TOP6BL: variants seen among roughly 807,000 people sequenced by gnomAD.
TOP6BL encodes TOP6B like initiator of meiotic double strand breaks.
chr11:66,813,123 TA>T, the TOP6BL span, among the ~76,000 whole-genome samples: 14 of 152,218 alleles, frequency 9.2e-5, no homozygotes, highest in Non-Finnish European at 1.9e-4. Flanking sequence ...TATTCTCTTG[TA>T]TATACTTCTA....
chr11:66,827,563 A>G, the TOP6BL span, among the ~76,000 whole-genome samples: 1 of 151,922 alleles, frequency 6.6e-6, no homozygotes, highest in Non-Finnish European at 1.5e-5. Context: ...TATCAGCCTC[A>G]GTTATGCAGT....
At chr11:66,779,883 C>T in the TOP6BL span, among the ~76,000 whole-genome samples, 1 of 151,684 alleles carries the variant, frequency 6.6e-6, no homozygotes, top group Non-Finnish European at 1.5e-5. Context: ...AGCTGGAAAC[C>T]ATCATTCTCA....
the TOP6BL span, chr11:66,816,349 C>A: frequency 1.0e-6 from 1 of 958,556 alleles, no homozygotes; most frequent in Non-Finnish European, 1.5e-6. Context: ...TGAACATATC[C>A]TATAGAAAAG....
chr11:66,788,132 G>C, the TOP6BL span: 1 of 1,514,926 alleles, frequency 6.6e-7, no homozygotes, highest in Admixed American at 1.7e-5. Context: ...CTGCTTGTTT[G>C]ACTTTGTTGC....
the TOP6BL span, among the ~76,000 whole-genome samples, chr11:66,765,237 A>C: frequency 6.6e-6 from 1 of 152,220 alleles, no homozygotes; most frequent in African/African-American, 2.4e-5. Context: ...TACTCATGCC[A>C]ATACAAACTC....
the TOP6BL span, chr11:66,838,320 C>T: frequency 7.7e-6 from 12 of 1,548,566 alleles, no homozygotes; most frequent in South Asian, 7.8e-5. Flanking sequence ...CACTAGGGCT[C>T]GTTCATGTTT....
At chr11:66,839,197 A>G in the TOP6BL span, 1 of 456,154 alleles carries the variant, frequency 2.2e-6, no homozygotes, top group Non-Finnish European at 4.4e-6. Context: ...AGTCACTAGC[A>G]GAGATGCCAG....
chr11:66,780,016 G>C, the TOP6BL span, among the ~76,000 whole-genome samples: 2 of 130,344 alleles, frequency 1.5e-5, no homozygotes, highest in Non-Finnish European at 3.2e-5. Flanking sequence ...GTTGTGGGGT[G>C]GGGGGAGGGG....
the TOP6BL span, among the ~76,000 whole-genome samples, chr11:66,805,631 T>G: frequency 6.6e-6 from 1 of 152,162 alleles, no homozygotes; most frequent in East Asian, 1.9e-4. Context: ...ATTTTTGCAT[T>G]TTTGGTAGAG....
the TOP6BL span, among the ~76,000 whole-genome samples, chr11:66,746,025 G>C: frequency 1.7e-4 from 26 of 152,196 alleles, no homozygotes; most frequent in African/African-American, 6.0e-4. Flanking sequence ...TGGCCAGGCT[G>C]GTCTTGAACT....
chr11:66,762,297 G>T, the TOP6BL span: 1 of 435,480 alleles, frequency 2.3e-6, no homozygotes. Flanking sequence ...CAGCCGGGGC[G>T]CCGGCCAGGA....
At chr11:66,747,767 C>T in the TOP6BL span, among the ~76,000 whole-genome samples, 2 of 152,162 alleles carry the variant, frequency 1.3e-5, no homozygotes, top group East Asian at 1.9e-4. Flanking sequence ...TACAGGCACA[C>T]GCCACCACGC....
chr11:66,765,142 C>T, the TOP6BL span, among the ~76,000 whole-genome samples: 2 of 152,016 alleles, frequency 1.3e-5, no homozygotes, highest in Non-Finnish European at 2.9e-5. Flanking sequence ...AGTGAAAAGC[C>T]GTGTAACTAC....
chr11:66,800,181 A>T, the TOP6BL span, among the ~76,000 whole-genome samples: 1 of 152,192 alleles, frequency 6.6e-6, no homozygotes, highest in Non-Finnish European at 1.5e-5. Context: ...AATCTGAAAA[A>T]GTCAAACTCA....
chr11:66,766,560 T>C, the TOP6BL span, among the ~76,000 whole-genome samples: 1 of 152,232 alleles, frequency 6.6e-6, no homozygotes, highest in African/African-American at 2.4e-5. Context: ...GCAGTGTGAT[T>C]AGTACTGTAA....
the TOP6BL span, among the ~76,000 whole-genome samples, chr11:66,799,385 C>CA: frequency 6.2e-3 from 695 of 112,760 alleles, 4 homozygotes; most frequent in African/African-American, 0.017. Context: ...GACTCCATTT[C>CA]AAAAAAAAAA....
chr11:66,829,832 T>G, the TOP6BL span, among the ~76,000 whole-genome samples: 11 of 152,148 alleles, frequency 7.2e-5, no homozygotes, highest in Admixed American at 7.2e-4. Flanking sequence ...GAGGTTGCCG[T>G]GAGCTAAAAT....
chr11:66,834,233 A>G, the TOP6BL span, among the ~76,000 whole-genome samples: 1 of 152,226 alleles, frequency 6.6e-6, no homozygotes, highest in Non-Finnish European at 1.5e-5. Context: ...CCAGAATCAC[A>G]GTCAGTAAAT....
the TOP6BL span, among the ~76,000 whole-genome samples, chr11:66,759,264 A>C: frequency 6.6e-6 from 1 of 152,170 alleles, no homozygotes; most frequent in South Asian, 2.1e-4. Flanking sequence ...TTTTAACATA[A>C]GTATGTCTCA....
Sources: allele counts gnomAD v4.1 joint callset (sites outside exome capture counted in the v4.1 genomes callset), GRCh38; gene constraint gnomAD v4.1.1; transcripts MANE v1.5; gene names NCBI Gene and HGNC (gene_info 2026-07-23, HGNC 2026-07-21).